Variants in GTF3C1 observed in about 807,000 individuals in gnomAD.
The protein encoded by GTF3C1 is general transcription factor 3C polypeptide 1.
In GTF3C1, 57 loss-of-function variants were observed where a neutral mutation model predicts 226.7. The observed-to-expected ratio is 0.25, with a 90% CI of 0.20 to 0.31. The LOEUF is 0.31. Among genes scored for constraint, GTF3C1 ranks in the 10% least tolerant of loss-of-function variants. GTF3C1 has a pLI of 1.00. For synonymous variants in GTF3C1, 1,090 were observed against 1,084.8 expected (o/e 1.00, Z -0.09); for missense variants, 2,217 against 2,776.1 (o/e 0.80, Z 4.53).
chr16:27,477,138 G>A (rs890476188), intron 28 of GTF3C1, among the ~76,000 whole-genome samples: 1 of 152,182 alleles, frequency 6.6e-6, no homozygotes, highest in African/African-American at 2.4e-5. Flanking sequence ...GGTCTGAACT[G>A]TGCAGATCCA....
intron 26 of GTF3C1, 58 bp from the exon 27 acceptor site, chr16:27,481,249 C>T (rs2088041535): frequency 2.1e-6 from 3 of 1,410,744 alleles, no homozygotes; most frequent in Non-Finnish European, 3.0e-6. Flanking sequence ...GGAGGTTTTG[C>T]TAAGATGCAC....
At chr16:27,485,190 G>A (rs1188831442) in intron 24 of GTF3C1, among the ~76,000 whole-genome samples, 1 of 152,260 alleles carries the variant, frequency 6.6e-6, no homozygotes, top group Non-Finnish European at 1.5e-5. Flanking sequence ...TAGTTGGCAG[G>A]CAAGGAGCAT....
At chr16:27,466,563 T>A (rs2087789979) in intron 32 of GTF3C1, among the ~76,000 whole-genome samples, 1 of 152,206 alleles carries the variant, frequency 6.6e-6, no homozygotes, top group Non-Finnish European at 1.5e-5. Flanking sequence ...CCCCTCTGCA[T>A]TCAAGTGAAA....
At chr16:27,528,199 C>T (rs1028634450) in intron 6 of GTF3C1, among the ~76,000 whole-genome samples, 1 of 151,916 alleles carries the variant, frequency 6.6e-6, no homozygotes, top group Non-Finnish European at 1.5e-5. Context: ...TGCTTGAACC[C>T]GAAAGGCAGA....
chr16:27,481,318 T>G, intron 26 of GTF3C1, 127 bp from the exon 27 acceptor site: 7 of 739,176 alleles, frequency 9.5e-6, no homozygotes, highest in African/African-American at 1.7e-5. Flanking sequence ...ACTGACCAGG[T>G]GCCTCCCCTG....
intron 14 of GTF3C1, among the ~76,000 whole-genome samples, chr16:27,496,411 TTTATTG>T (rs1336079099): frequency 3.3e-5 from 5 of 152,244 alleles, no homozygotes; most frequent in African/African-American, 1.2e-4. Flanking sequence ...GTTTTTGTTG[TTTATTG>T]TTGTTGTTGT....
Position 27,461,363 on chromosome 16 carries a change from C to T in GTF3C1, c.6317G>A (p.Trp2106Ter), listed in dbSNP as rs775552106. The change falls in exon 37 of 37, where the codon TGG (tryptophan) becomes TAG (stop). Residue 2106 changes from tryptophan to a stop codon, truncating the protein, a stop_gained. Coordinates refer to ENST00000356183, the MANE Select transcript of GTF3C1 (RefSeq NM_001520.4). LOFTEE classifies it high-confidence loss of function. The surrounding 1 kb of genome is among the most constrained non-coding windows in gnomAD (Gnocchi z 5.3). ...CCCACAGGGGTCCTAGAGGTGGATCCACTTGTTCCAGTTGACCTCGTGGGG... is the reference window on the plus strand; with the variant it reads ...CCCACAGGGGTCCTAGAGGTGGATCTACTTGTTCCAGTTGACCTCGTGGGG... Reference protein sequence around the residue: ...VFPHEVNWNKWIHL With the variant: ...VFPHEVNWNK 6.8e-6 allele frequency: 11 copies of T among 1,609,924 alleles called. No individual in the cohort carries two copies. The highest frequency in any genetic ancestry group is 8.5e-6 in the Non-Finnish European group (10 of 1,176,854).
rs765692292 is a variant in GTF3C1, at chr16:27,537,939, G to A, written c.609-12C>T. The stretch of plus-strand genomic sequence containing the variant: ...TCCCAGCATCAACCCTGGAGGAAAA[G>A]AGGAGCCATGTCATTTGCTTTGCTG... On this transcript the variant is annotated splice_polypyrimidine_tract_variant and intron_variant, in intron 3 of 36. Coordinates refer to ENST00000356183, the MANE Select transcript of GTF3C1 (RefSeq NM_001520.4). 12 of 1,612,646 alleles carry A rather than the reference G, an allele frequency of 7.4e-6. No individual in the cohort carries two copies. The highest frequency in any genetic ancestry group is 5.3e-5 in the African/African-American group (4 of 74,840).
chr16:27,505,229 A>G (rs1054119816), intron 10 of GTF3C1, among the ~76,000 whole-genome samples: 2 of 152,376 alleles, frequency 1.3e-5, no homozygotes, highest in African/African-American at 2.4e-5. Context: ...TCCTTGATAT[A>G]TAACAGTAAC....
chr16:27,487,180 A>C (rs896319800), intron 23 of GTF3C1, among the ~76,000 whole-genome samples: 1 of 152,264 alleles, frequency 6.6e-6, no homozygotes, highest in Non-Finnish European at 1.5e-5. Flanking sequence ...TCAGGTTTTT[A>C]AGCCAAATTG....
At chr16:27,482,379 T>A in intron 26 of GTF3C1, 4 of 429,036 alleles carry the variant, frequency 9.3e-6, no homozygotes, top group Admixed American at 7.3e-5. Flanking sequence ...TTAGGTTAGG[T>A]TTTTCTGTCA....
rs2088254143 is a variant in GTF3C1, at chr16:27,492,859, A to G, written c.2877-146T>C. ...AGGACCAGCCTCAAGCCCACACTGC[A>G]CTAAGGCCCAGAACTACCCAACCTA... On this transcript the variant is annotated intron_variant, in intron 17 of 36. Coordinates refer to ENST00000356183, the MANE Select transcript of GTF3C1 (RefSeq NM_001520.4). This position sits in a 1 kb window ranked among gnomAD's most constrained non-coding sequence, Gnocchi z 5.0. 2 of 641,794 alleles carry G rather than the reference A, an allele frequency of 3.1e-6. No individual in the cohort carries two copies. The highest frequency in any genetic ancestry group is 5.6e-6 in the Non-Finnish European group (2 of 357,296). The allele number at this position is 641,794 out of a possible 1,614,324, so 39.8% of individuals were successfully genotyped here. A position where few individuals can be genotyped will look rare whatever the true frequency, so the allele number is the denominator to read the frequency against.
intron 7 of GTF3C1, among the ~76,000 whole-genome samples, chr16:27,510,106 C>T (rs1405034882): frequency 6.6e-6 from 1 of 152,104 alleles, no homozygotes; most frequent in Non-Finnish European, 1.5e-5. Context: ...GAAAATTAGT[C>T]CGGACGCTGT....
chr16:27,527,821 G>GC (rs1191563458), intron 6 of GTF3C1, among the ~76,000 whole-genome samples: 1 of 152,072 alleles, frequency 6.6e-6, no homozygotes, highest in East Asian at 1.9e-4. Flanking sequence ...GGGCAACATA[G>GC]CGAGACTTTC....
chr16:27,495,041 G>C (rs990142353), intron 15 of GTF3C1, 133 bp from the exon 16 acceptor site: 1 of 902,082 alleles, frequency 1.1e-6, no homozygotes, highest in African/African-American at 1.7e-5. Context: ...TGTCAGGCAG[G>C]AAGGAAGATG....
intron 28 of GTF3C1, among the ~76,000 whole-genome samples, chr16:27,477,346 G>A (rs1188754228): frequency 4.0e-5 from 6 of 150,014 alleles, no homozygotes; most frequent in African/African-American, 1.2e-4. Context: ...TGCTCATGTC[G>A]CCCAGGCTTG....
chr16:27,463,193 C>T lies in GTF3C1; in HGVS notation c.5924+348G>A. ...GGGCAGCTGGGCATTCAGGGCTTAT[C>T]CCTCTGTGGACCCCTGGCTCATCTG... On this transcript the variant is annotated intron_variant, in intron 35 of 36. Coordinates refer to ENST00000356183, the MANE Select transcript of GTF3C1 (RefSeq NM_001520.4). The surrounding 1 kb of genome is among the most constrained non-coding windows in gnomAD (Gnocchi z 4.9). 3.1e-6 allele frequency: 1 copy of T among 318,196 alleles called. No individual in the cohort carries two copies. Among genetic ancestry groups the T allele is most frequent in the East Asian group, 7.1e-5 (1 of 14,064 alleles). The allele number at this position is 318,196 out of a possible 1,614,324, so 19.7% of individuals were successfully genotyped here. A position where few individuals can be genotyped will look rare whatever the true frequency, so the allele number is the denominator to read the frequency against.
intron 2 of GTF3C1, among the ~76,000 whole-genome samples, chr16:27,543,196 G>A (rs1038569550): frequency 1.3e-5 from 2 of 152,188 alleles, no homozygotes; most frequent in Non-Finnish European, 2.9e-5. Context: ...GACCGGCCTA[G>A]CCAAGATGGT....
chr16:27,548,910 T>C (rs963269050), intron 1 of GTF3C1, among the ~76,000 whole-genome samples: 3 of 152,168 alleles, frequency 2.0e-5, no homozygotes, highest in Admixed American at 1.3e-4. Flanking sequence ...TCACAGCACT[T>C]TGGGAGGCCG....
Sources: gnomAD v4.1 joint callset for allele counts (sites outside exome capture counted in the v4.1 genomes callset) on GRCh38, gnomAD v4.1.1 for gene constraint, Gnocchi (gnomAD v3.1) non-coding constraint, MANE v1.5 for transcripts, NCBI Gene and HGNC (gene_info 2026-07-23, HGNC 2026-07-21) for gene names.